DGKH: variants seen among roughly 807,000 people sequenced by gnomAD.
DGKH encodes the protein DAG kinase eta.
DGKH carries 90 observed loss-of-function variants against 159.3 expected under a neutral mutation model. The ratio of observed to expected loss-of-function variants is 0.57; its 90% CI spans 0.48 to 0.67. DGKH has a LOEUF of 0.67. DGKH is among the 30% of genes least tolerant of loss of function. The probability of loss-of-function intolerance (pLI) is 0.00; values close to 1 mark genes in which losing one functional copy is unlikely to be tolerated. For synonymous variants in DGKH, 536 were observed against 553.8 expected, an observed-to-expected ratio of 0.97 and a Z score of 0.45; for missense variants, 1,181 against 1,506.1, an observed-to-expected ratio of 0.78 and a Z score of 3.57.
At position 42,144,939 on chromosome 13, in the gene DGKH, G is replaced by T. The variant is rs190463577; in HGVS notation, c.385-10352G>T. Among the ~76,000 whole-genome samples, 4 of 152,312 alleles carry T rather than the reference G, an allele frequency of 2.6e-5. No homozygotes were observed. The South Asian group carries it at 6.2e-4, about 24-fold the overall frequency. On this transcript the variant is annotated intron_variant, in intron 3 of 29. Coordinates refer to ENST00000337343, the MANE Select transcript of DGKH (RefSeq NM_178009.5). ...CTTATTACCTTCAAGTGAGAAGAAA[G>T]CTCACCTAGAACAGTGTTGCAGCTA...
At chr13:42,061,059 G>C (rs1481479742) in intron 1 of DGKH, among the ~76,000 whole-genome samples, 3 of 147,762 alleles carry the variant, frequency 2.0e-5, no homozygotes, top group Non-Finnish European at 4.4e-5. Flanking sequence ...CCTCCATAGA[G>C]GAAGGGGTCT....
At chr13:42,054,167 G>A (rs1489843773) in intron 1 of DGKH, among the ~76,000 whole-genome samples, 2 of 152,218 alleles carry the variant, frequency 1.3e-5, no homozygotes, top group African/African-American at 4.8e-5. Flanking sequence ...TTTTGAAATT[G>A]TAGGTGGCAG....
intron 1 of DGKH, among the ~76,000 whole-genome samples, chr13:42,042,639 T>C (rs537944259): frequency 6.6e-6 from 1 of 152,350 alleles, no homozygotes; most frequent in African/African-American, 2.4e-5. Flanking sequence ...GACTGTTGGA[T>C]AGCAGTTACC....
At chr13:42,165,172 C>T (rs1384274147) in intron 7 of DGKH, among the ~76,000 whole-genome samples, 159 bp from the exon 8 acceptor site, 1 of 152,070 alleles carries the variant, frequency 6.6e-6, no homozygotes, top group Non-Finnish European at 1.5e-5. Context: ...AATGTTTAGT[C>T]ATTTCCTGAA....
intron 28 of DGKH, among the ~76,000 whole-genome samples, chr13:42,220,016 A>G (rs1957926196): frequency 6.6e-6 from 1 of 152,174 alleles, no homozygotes; most frequent in Non-Finnish European, 1.5e-5. Context: ...TACCTAAAAC[A>G]CATCTGAGTA....
intron 13 of DGKH, among the ~76,000 whole-genome samples, chr13:42,186,010 GGTGTGTGTGTGTGT>G (rs3039205): frequency 2.3e-5 from 3 of 132,288 alleles, no homozygotes; most frequent in South Asian, 4.7e-4. Context: ...TGGTGGTGGT[GGTGTGTGTGTGTGT>G]GTGTGTGTGT....
chr13:42,206,964 GTACTTT>G lies in DGKH; in HGVS notation c.2601+826_2601+831del, dbSNP rs1281666733. Among the ~76,000 whole-genome samples the G allele has an allele frequency of 1.0e-4, 10 of 97,734 alleles. No homozygotes were observed. In the East Asian group the frequency reaches 1.6e-3, roughly 16 times the overall value. The allele number at this position is 97,734 out of a possible 152,430, so 64.1% of individuals were successfully genotyped here. On this transcript the variant is annotated intron_variant, in intron 21 of 29. Coordinates refer to ENST00000337343, the MANE Select transcript of DGKH (RefSeq NM_178009.5). ...ATTCTGCCTACCACAATACCTTTTGGTACTTTTACTTTTTCTTTCTTTCTTTCTTTC... is the reference window on the plus strand; with the variant it reads ...ATTCTGCCTACCACAATACCTTTTGGTACTTTTTCTTTCTTTCTTTCTTTC...
chr13:42,168,546 C>G lies in DGKH; in HGVS notation c.1225C>G (p.Gln409Glu), dbSNP rs1434068653. 5 of 1,614,006 alleles carry G rather than the reference C, an allele frequency of 3.1e-6. No homozygotes were observed. The East Asian group carries it at 1.1e-4, about 36-fold the overall frequency. ...AATCGATAAGCTCAACTTGAATAAA[C>G]AGGCAAGTGCTAATTCTTTTACTTG... ...SEIDKLNLNK[Q>E]CQLGVLPLGT... Residue 409 changes from glutamine (Q) to glutamate (E), a missense_variant and splice_region_variant, in exon 10 of 30, where the codon CAG becomes GAG. By Grantham distance (29) the Gln-to-Glu change is conservative. Transcript: ENST00000337343.
rs2138313824 is a variant in DGKH, at chr13:42,237,740, T to C, written c.*8552T>C. ...TTGATGGAGTCCACACAAGGGTTTA[T>C]GATGTGGGGCAAATATCTGTGCTTT... On this transcript the variant is annotated 3_prime_UTR_variant, in exon 30 of 30. Transcript: ENST00000337343. The C allele has an allele frequency of 6.6e-6, 1 of 152,354 alleles. No individual in the cohort carries two copies. Among genetic ancestry groups the C allele is most frequent in the South Asian group, 2.1e-4 (1 of 4,828 alleles). 9.4% of individuals were successfully genotyped at this position (152,354 alleles called of 1,614,324 possible). A position where few individuals can be genotyped will look rare whatever the true frequency, so the allele number is the denominator to read the frequency against.
chr13:42,082,649 A>G (rs1233665159), intron 1 of DGKH, among the ~76,000 whole-genome samples: 1 of 152,218 alleles, frequency 6.6e-6, no homozygotes, highest in African/African-American at 2.4e-5. Context: ...TGCTCCAAGT[A>G]GTCAGTATTT....
At chr13:42,187,882 G>A (rs1410427630) in intron 14 of DGKH, among the ~76,000 whole-genome samples, 2 of 152,088 alleles carry the variant, frequency 1.3e-5, no homozygotes, top group Non-Finnish European at 2.9e-5. Flanking sequence ...TTTCTTTACA[G>A]ATTTCTTTCC....
At chr13:42,072,992 G>T (rs1247538229) in intron 1 of DGKH, among the ~76,000 whole-genome samples, 1 of 152,178 alleles carries the variant, frequency 6.6e-6, no homozygotes, top group African/African-American at 2.4e-5. Context: ...CATGGGGGCA[G>T]GGATATTTGT....
chr13:42,159,894 G>T, intron 6 of DGKH, 117 bp from the exon 7 acceptor site: 2 of 1,434,932 alleles, frequency 1.4e-6, no homozygotes, highest in South Asian at 1.3e-5. Context: ...ATGAGTGAAT[G>T]CTATGCATGA....
intron 14 of DGKH, among the ~76,000 whole-genome samples, chr13:42,187,464 C>T (rs946494536): frequency 6.6e-6 from 1 of 152,114 alleles, no homozygotes; most frequent in African/African-American, 2.4e-5. Flanking sequence ...GCAACCTTCA[C>T]CTCCCAGGTT....
chr13:42,067,958 G>A (rs1882701472), intron 1 of DGKH, among the ~76,000 whole-genome samples: 1 of 151,956 alleles, frequency 6.6e-6, no homozygotes, highest in South Asian at 2.1e-4. Context: ...TTACTTCCAT[G>A]CACACAATTC....
At chr13:42,129,529 T>C in intron 2 of DGKH, 23 bp from the exon 3 acceptor site, 1 of 1,588,516 alleles carries the variant, frequency 6.3e-7, no homozygotes, top group Non-Finnish European at 8.6e-7. Context: ...CTAATGTCTT[T>C]GTATGTTTTT....
chr13:42,068,403 C>T (rs984245854), intron 1 of DGKH, among the ~76,000 whole-genome samples: 5 of 152,092 alleles, frequency 3.3e-5, no homozygotes, highest in Admixed American at 1.3e-4. Context: ...TTTTGTGAAG[C>T]ACTATGGGTG....
At chr13:42,087,494 A>G (rs944726912) in intron 1 of DGKH, among the ~76,000 whole-genome samples, 3 of 152,202 alleles carry the variant, frequency 2.0e-5, no homozygotes, top group African/African-American at 7.2e-5. Flanking sequence ...GGATGATAGA[A>G]TTGGTTAACA....
chr13:42,118,204 G>A (rs1954999472), intron 1 of DGKH, among the ~76,000 whole-genome samples: 1 of 152,024 alleles, frequency 6.6e-6, no homozygotes, highest in Admixed American at 6.5e-5. Flanking sequence ...GCAAGAGAGA[G>A]AGACTCCGTC....
Sources: allele counts gnomAD v4.1 joint callset (sites outside exome capture counted in the v4.1 genomes callset), GRCh38; gene constraint gnomAD v4.1.1; transcripts MANE v1.5; gene names NCBI Gene and HGNC (gene_info 2026-07-23, HGNC 2026-07-21).